The following CREBBP variants were observed in gnomAD, a reference collection of about 807,000 sequenced individuals.
The protein encoded by CREBBP is CREB binding lysine acetyltransferase, also known as CREB-binding protein.
In CREBBP, 19 loss-of-function variants were observed where a neutral mutation model predicts 265.0. The observed-to-expected ratio is 0.07, with a 90% confidence interval of 0.05 to 0.11. CREBBP has a LOEUF of 0.11. CREBBP is among the 10% of genes least tolerant of loss of function. The probability of loss-of-function intolerance (pLI) is 1.00; values close to 1 mark genes in which losing one functional copy is unlikely to be tolerated. For synonymous variants in CREBBP, 1,457 were observed against 1,223.7 expected (o/e 1.19, Z -3.98); for missense variants, 2,525 against 3,219.0 (o/e 0.78, Z 5.22).
In CREBBP at chr16:3,744,980, A is replaced by G; in HGVS notation, c.3915-19T>C. ...CACAAAACTGCAAAATAATAGTGGT[A>G]TGATGAGACTGTATATAATGATGTA... On this transcript the variant is annotated intron_variant, in intron 22 of 30. Coordinates refer to ENST00000262367, the MANE Select transcript of CREBBP (RefSeq NM_004380.3). The G allele has an allele frequency of 6.4e-7, 1 of 1,562,700 alleles. No homozygotes were observed. Among genetic ancestry groups the G allele is most frequent in the Non-Finnish European group, 8.8e-7 (1 of 1,133,082 alleles).
chr16:3,736,550 G>C (rs886159908), intron 27 of CREBBP, 100 bp downstream of exon 27: 9 of 1,502,108 alleles, frequency 6.0e-6, no homozygotes, highest in Non-Finnish European at 8.3e-6. Flanking sequence ...ATCCTCATAA[G>C]TGAAGGTAAT....
chr16:3,861,393 T>C (rs1177085680), intron 1 of CREBBP, among the ~76,000 whole-genome samples: 1 of 152,206 alleles, frequency 6.6e-6, no homozygotes, highest in East Asian at 1.9e-4. Flanking sequence ...ACTCAAAAAA[T>C]ATTAGTCATT....
At chr16:3,821,873 T>C (rs2054147471) in intron 2 of CREBBP, among the ~76,000 whole-genome samples, 3 of 152,014 alleles carry the variant, frequency 2.0e-5, no homozygotes, top group Non-Finnish European at 4.4e-5. Context: ...CTACTAAAAA[T>C]ACAAAAATTA....
At chr16:3,811,211 C>G (rs1320649409) in intron 2 of CREBBP, among the ~76,000 whole-genome samples, 1 of 152,182 alleles carries the variant, frequency 6.6e-6, no homozygotes, top group African/African-American at 2.4e-5. Context: ...TCAAAACACA[C>G]AGTGGAAATA....
At chr16:3,770,206 A>G (rs1463464444) in intron 14 of CREBBP, among the ~76,000 whole-genome samples, 1 of 151,554 alleles carries the variant, frequency 6.6e-6, no homozygotes, top group Admixed American at 6.6e-5. Context: ...AAAGATGACA[A>G]TGTCTCGCTC....
rs771771768 is a variant in CREBBP at position 3,758,842 on chromosome 16, G to T, written c.3369+12C>A. ...CAGCAAAGTTATAATCTATTTTTAT[G>T]AATTAACTTACTGGAATTCCGAGGA... On this transcript the variant is annotated intron_variant, in intron 17 of 30. Transcript: ENST00000262367. The T allele has an allele frequency of 6.3e-7, 1 of 1,579,624 alleles. No individual in the cohort carries two copies. The highest frequency in any genetic ancestry group is 2.2e-5 in the East Asian group (1 of 44,758).
intron 3 of CREBBP, among the ~76,000 whole-genome samples, chr16:3,800,729 C>T (rs1053693239): frequency 1.3e-5 from 2 of 151,824 alleles, no homozygotes; most frequent in African/African-American, 4.8e-5. Flanking sequence ...TAAAAAAAGA[C>T]AAAAACAAAA....
chr16:3,731,700 G>A lies in CREBBP; in HGVS notation c.4890+76C>T. ...CCTCCCACCACAGACCTGCACACGGGCCCACGCCCGCCAGCTGCGAGTCTT... is the reference window on the plus strand; with the variant it reads ...CCTCCCACCACAGACCTGCACACGGACCCACGCCCGCCAGCTGCGAGTCTT... On this transcript the variant is annotated intron_variant, in intron 29 of 30. Coordinates refer to ENST00000262367, the MANE Select transcript of CREBBP (RefSeq NM_004380.3). The surrounding 1 kb of genome is among the most constrained non-coding windows in gnomAD (Gnocchi z 7.7). The A allele has an allele frequency of 1.9e-6, 3 of 1,597,060 alleles. No homozygotes were observed. Among genetic ancestry groups the A allele is most frequent in the South Asian group, 2.2e-5 (2 of 90,750 alleles).
At chr16:3,804,082 A>T (rs985158614) in intron 3 of CREBBP, among the ~76,000 whole-genome samples, 1 of 144,376 alleles carries the variant, frequency 6.9e-6, no homozygotes, top group East Asian at 2.0e-4. Flanking sequence ...ACCCCAGCTT[A>T]AAAAAAAAAA....
chr16:3,752,834 T>C (rs1355536068), intron 19 of CREBBP, among the ~76,000 whole-genome samples: 1 of 152,196 alleles, frequency 6.6e-6, no homozygotes, highest in Non-Finnish European at 1.5e-5. Context: ...CCCAATTTCT[T>C]GTAAGACAAT....
In CREBBP at chr16:3,767,444, C is replaced by T. The variant is rs1213456553; in HGVS notation, c.3250+276G>A. ...TCAAGGACCCAGACACATTTCAACT[C>T]GGCCCCTGCCAGCACCATCAGAAGA... is the stretch of plus-strand genomic sequence containing the variant. On this transcript the variant is annotated intron_variant, in intron 16 of 30. Transcript: ENST00000262367. 11 of 554,948 alleles carry T rather than the reference C, an allele frequency of 2.0e-5. 1 individual carries two copies. Among genetic ancestry groups the T allele is most frequent in the South Asian group, 1.7e-4 (8 of 46,372 alleles). The allele number at this position is 554,948 out of a possible 1,614,324, so 34.4% of individuals were successfully genotyped here.
intron 2 of CREBBP, among the ~76,000 whole-genome samples, chr16:3,825,761 G>A (rs1336221933): frequency 6.6e-6 from 1 of 152,236 alleles, no homozygotes; most frequent in Middle Eastern, 3.4e-3. Context: ...CACACCATTT[G>A]AACCTCTTAT....
chr16:3,736,906 C>T, intron 26 of CREBBP, 91 bp from the exon 27 acceptor site: 1 of 1,493,074 alleles, frequency 6.7e-7, no homozygotes, highest in Non-Finnish European at 9.3e-7. Context: ...AGGACTAAAG[C>T]CAGGACAGAA....
At chr16:3,838,774 C>T (rs1730212423) in intron 2 of CREBBP, among the ~76,000 whole-genome samples, 1 of 152,094 alleles carries the variant, frequency 6.6e-6, no homozygotes, top group Admixed American at 6.5e-5. Context: ...GTGTCAAATT[C>T]CTGGCCTAAA....
At chr16:3,827,261 G>A (rs561431871) in intron 2 of CREBBP, among the ~76,000 whole-genome samples, 41 of 151,424 alleles carry the variant, frequency 2.7e-4, no homozygotes, top group Non-Finnish European at 4.4e-4. Context: ...TGAAAACACA[G>A]ATGTTGGTTA....
chr16:3,824,994 G>A (rs1439338764), intron 2 of CREBBP, among the ~76,000 whole-genome samples: 1 of 152,154 alleles, frequency 6.6e-6, no homozygotes, highest in Non-Finnish European at 1.5e-5. Context: ...AAACTACAAA[G>A]CACTGTGCAA....
At chr16:3,828,322 C>A (rs2054278999) in intron 2 of CREBBP, among the ~76,000 whole-genome samples, 1 of 152,124 alleles carries the variant, frequency 6.6e-6, no homozygotes, top group African/African-American at 2.4e-5. Context: ...GAACTCACGA[C>A]GTCAGGTGAT....
At position 3,758,988 on chromosome 16, in the gene CREBBP, C is replaced by G; in HGVS notation, c.3251-16G>C. 6.4e-7 allele frequency: 1 copy of G among 1,569,150 alleles called. No individual in the cohort carries two copies. Among genetic ancestry groups the G allele is most frequent in the South Asian group, 1.1e-5 (1 of 90,164 alleles). On this transcript the variant is annotated splice_polypyrimidine_tract_variant and intron_variant, in intron 16 of 30. Transcript: ENST00000262367. ...GGTTTAAAGACTGCAGAGAAAACATCAAGAAAAGACACTTTGTAAAAGGTG... is the reference window on the plus strand; with the variant it reads ...GGTTTAAAGACTGCAGAGAAAACATGAAGAAAAGACACTTTGTAAAAGGTG...
intron 2 of CREBBP, among the ~76,000 whole-genome samples, chr16:3,835,848 G>A (rs1027961323): frequency 4.0e-5 from 6 of 151,664 alleles, no homozygotes; most frequent in Non-Finnish European, 7.4e-5. Flanking sequence ...CCAAAGTGCT[G>A]GGATTACAGG....
Sources: allele counts gnomAD v4.1 joint callset (sites outside exome capture counted in the v4.1 genomes callset), GRCh38; gene constraint gnomAD v4.1.1; non-coding constraint Gnocchi (gnomAD v3.1); transcripts MANE v1.5; gene names NCBI Gene and HGNC (gene_info 2026-07-23, HGNC 2026-07-21).